PRIM2: variants seen among roughly 807,000 people sequenced by gnomAD.
PRIM2 encodes the protein DNA primase subunit 2, also known as DNA primase large subunit.
PRIM2 carries 39 observed loss-of-function variants against 67.3 expected under a neutral mutation model. The ratio of observed to expected loss-of-function variants is 0.58; its 90% CI spans 0.45 to 0.76. The LOEUF (loss-of-function observed/expected upper bound fraction) is 0.76, where lower values mean the gene tolerates loss of function less well. PRIM2 is among the 30% of genes least tolerant of loss of function. PRIM2 has a pLI of 0.00. For synonymous variants in PRIM2, 143 were observed against 198.7 expected, an observed-to-expected ratio of 0.72 and a Z score of 2.36; for missense variants, 398 against 598.7, an observed-to-expected ratio of 0.66 and a Z score of 3.50.
rs759666690 is a variant in PRIM2, at chr6:57,318,557, T to A, written c.112T>A (p.Ser38Thr). ...FYLQPPSENI[S>T]LIEFENLAID... ...CTTGCAGCCACCTTCTGAAAACATA[T>A]CTTTAATAGAATTTGAAAACTTGGC... Residue 38 changes from serine to threonine, a missense_variant, in exon 2 of 14, where the codon TCT becomes ACT. Ser to Thr is a moderately conservative substitution (Grantham distance 58). Coordinates refer to ENST00000615550, the MANE Select transcript of PRIM2 (RefSeq NM_000947.5). 1 of 1,585,364 alleles carries A rather than the reference T, an allele frequency of 6.3e-7. No individual in the cohort carries two copies. Among genetic ancestry groups the A allele is most frequent in the Non-Finnish European group, 8.6e-7 (1 of 1,164,262 alleles).
chr6:57,612,790 C>T (rs1273838017), intron 12 of PRIM2, among the ~76,000 whole-genome samples: 10 of 135,942 alleles, frequency 7.4e-5, no homozygotes, highest in African/African-American at 1.7e-4. Context: ...TTTTTCTTTT[C>T]GCCTTTTTTT....
intron 5 of PRIM2, among the ~76,000 whole-genome samples, chr6:57,366,782 G>T (rs561260167): frequency 1.3e-5 from 2 of 152,274 alleles, no homozygotes; most frequent in South Asian, 4.2e-4. Flanking sequence ...TGAACTTGAG[G>T]CATTGAAACG....
chr6:57,399,684 A>G (rs1770640752), intron 7 of PRIM2, among the ~76,000 whole-genome samples: 1 of 152,052 alleles, frequency 6.6e-6, no homozygotes, highest in African/African-American at 2.4e-5. Flanking sequence ...TTATTTCTCC[A>G]CATCCTCTCC....
the PRIM2 span, among the ~76,000 whole-genome samples, chr6:57,306,327 C>T: frequency 3.3e-5 from 5 of 152,314 alleles, no homozygotes; most frequent in Admixed American, 1.3e-4. Context: ...CCACTACCAT[C>T]TCTCAGATGC....
chr6:57,247,192 C>A, the PRIM2 span, among the ~76,000 whole-genome samples: 3 of 152,142 alleles, frequency 2.0e-5, no homozygotes, highest in African/African-American at 7.2e-5. Flanking sequence ...CCTAGAGTAT[C>A]CATCGTCTTT....
chr6:57,350,258 G>A (rs1334162787), intron 5 of PRIM2, among the ~76,000 whole-genome samples: 1 of 151,908 alleles, frequency 6.6e-6, no homozygotes, highest in Non-Finnish European at 1.5e-5. Context: ...TGAGGTTTCT[G>A]GTCTTTGGAT....
intron 9 of PRIM2, among the ~76,000 whole-genome samples, chr6:57,535,117 TTGAA>T: frequency 6.6e-6 from 1 of 152,170 alleles, no homozygotes; most frequent in East Asian, 1.9e-4. Flanking sequence ...TATTTGTTGA[TTGAA>T]TGAATAAGAA....
At chr6:57,250,035 A>G in the PRIM2 span, among the ~76,000 whole-genome samples, 1 of 152,166 alleles carries the variant, frequency 6.6e-6, no homozygotes, top group African/African-American at 2.4e-5. Flanking sequence ...TGTGGCTTAG[A>G]TTGTTCATCT....
At chr6:57,315,713 T>C (rs986997698), upstream of PRIM2, among the ~76,000 whole-genome samples, 1 of 152,228 alleles carries the variant, frequency 6.6e-6, no homozygotes, top group Non-Finnish European at 1.5e-5. Context: ...TTCGATGTTA[T>C]ACTTTTGGTA....
At position 57,326,689 on chromosome 6, in the gene PRIM2, C is replaced by A. The variant is rs574610149; in HGVS notation, c.459+644C>A. On this transcript the variant is annotated intron_variant, in intron 5 of 13. Coordinates refer to ENST00000615550, the MANE Select transcript of PRIM2 (RefSeq NM_000947.5). ...TGAGCTGAGATCATGCCGCTGCACT[C>A]TAGTCTGGGCGAAAGAGCAAGACTC... Among the ~76,000 whole-genome samples the A allele has an allele frequency of 3.3e-5, 5 of 151,704 alleles. No homozygotes were observed. In the East Asian group the frequency reaches 7.8e-4, roughly 24 times the overall value.
chr6:57,403,167 G>C (rs566485940), intron 7 of PRIM2, among the ~76,000 whole-genome samples: 1 of 151,610 alleles, frequency 6.6e-6, no homozygotes, highest in South Asian at 2.1e-4. Flanking sequence ...ACAGAAGTCA[G>C]TATTGTATAT....
chr6:57,633,964 T>C (rs1163412108), intron 13 of PRIM2, among the ~76,000 whole-genome samples: 3 of 152,218 alleles, frequency 2.0e-5, no homozygotes, highest in Non-Finnish European at 4.4e-5. Flanking sequence ...AGCACTAAAA[T>C]TTTTGAACGC....
intron 7 of PRIM2, among the ~76,000 whole-genome samples, chr6:57,452,432 C>T (rs1392642475): frequency 6.6e-6 from 1 of 152,204 alleles, no homozygotes; most frequent in Non-Finnish European, 1.5e-5. Context: ...TCTCCACATC[C>T]TCTCCAGCAT....
At chr6:57,393,436 C>T (rs12193112) in intron 7 of PRIM2, among the ~76,000 whole-genome samples, 3 of 152,018 alleles carry the variant, frequency 2.0e-5, no homozygotes, top group East Asian at 3.8e-4. Context: ...ATATGTTTGC[C>T]GGCCATTTGT....
At chr6:57,264,133 C>T in the PRIM2 span, among the ~76,000 whole-genome samples, 1 of 152,130 alleles carries the variant, frequency 6.6e-6, no homozygotes, top group Admixed American at 6.5e-5. Flanking sequence ...CTTTACTCTA[C>T]CAGGGAAATA....
intron 9 of PRIM2, among the ~76,000 whole-genome samples, chr6:57,535,231 G>C (rs1774980170): frequency 3.3e-5 from 5 of 152,150 alleles, no homozygotes; most frequent in Non-Finnish European, 7.3e-5. Flanking sequence ...GGTGCACCAG[G>C]CAGGGCTAGC....
At chr6:57,371,348 A>G (rs542852127) in intron 5 of PRIM2, among the ~76,000 whole-genome samples, 45 of 152,176 alleles carry the variant, frequency 3.0e-4, no homozygotes, top group Admixed American at 5.2e-4. Flanking sequence ...GTGAGATACT[A>G]TATTATGCTA....
At chr6:57,318,351 G>A in intron 1 of PRIM2, 86 bp from the exon 2 acceptor site, 4 of 1,320,966 alleles carry the variant, frequency 3.0e-6, no homozygotes, top group Non-Finnish European at 4.1e-6. Flanking sequence ...TTCTGTGTTT[G>A]TGGAATTATT....
At chr6:57,324,151 C>T in intron 3 of PRIM2, 50 bp from the exon 4 acceptor site, 1 of 1,047,982 alleles carries the variant, frequency 9.5e-7, no homozygotes, top group Non-Finnish European at 1.5e-6. Flanking sequence ...TTCCTTACAC[C>T]TCTTACCATT....
Sources: gnomAD v4.1 joint callset for allele counts (sites outside exome capture counted in the v4.1 genomes callset) on GRCh38, gnomAD v4.1.1 for gene constraint, MANE v1.5 for transcripts, NCBI Gene and HGNC (gene_info 2026-07-23, HGNC 2026-07-21) for gene names.